Variants in CFAP44 observed in about 807,000 individuals in gnomAD.
CFAP44 encodes cilia- and flagella-associated protein 44.
A neutral mutation model predicts 216.2 loss-of-function variants in CFAP44; 134 were observed. The ratio of observed to expected loss-of-function variants is 0.62; its 90% confidence interval spans 0.54 to 0.72. The LOEUF (loss-of-function observed/expected upper bound fraction) is 0.72, where lower values mean the gene tolerates loss of function less well. Among genes scored for constraint, CFAP44 ranks in the 30% least tolerant of loss-of-function variants. CFAP44 has a pLI of 0.00. For missense variants in CFAP44, 2,035 were observed against 2,182.1 expected (o/e 0.93, Z 1.34); for synonymous variants, 700 against 727.6 (o/e 0.96, Z 0.61).
chr3:113,413,902 T>C (rs1209794811), intron 6 of CFAP44, among the ~76,000 whole-genome samples: 1 of 152,186 alleles, frequency 6.6e-6, no homozygotes, highest in Non-Finnish European at 1.5e-5. Flanking sequence ...TGAAGAATGC[T>C]AATGGTAGTT....
chr3:113,422,224 T>C (rs996791104), intron 4 of CFAP44, among the ~76,000 whole-genome samples: 1 of 152,140 alleles, frequency 6.6e-6, no homozygotes, highest in Non-Finnish European at 1.5e-5. Context: ...AACATCAGAG[T>C]TGAAGGATCA....
intron 18 of CFAP44, among the ~76,000 whole-genome samples, chr3:113,371,311 A>C (rs948805236): frequency 1.3e-5 from 2 of 152,182 alleles, no homozygotes; most frequent in South Asian, 4.1e-4. Flanking sequence ...GAGGCATCAC[A>C]TTACCTGACT....
intron 15 of CFAP44, among the ~76,000 whole-genome samples, chr3:113,389,022 T>C (rs1317304124): frequency 1.3e-5 from 2 of 152,188 alleles, no homozygotes; most frequent in African/African-American, 2.4e-5. Context: ...ATAGACCAAA[T>C]TGACCTAATA....
At chr3:113,400,043 AT>A (rs761113654) in intron 12 of CFAP44, 43 bp from the exon 13 acceptor site, 25 of 1,341,788 alleles carry the variant, frequency 1.9e-5, no homozygotes, top group Non-Finnish European at 2.3e-5. Context: ...TATATACATA[AT>A]TTTTTTAAGT....
intron 21 of CFAP44, among the ~76,000 whole-genome samples, chr3:113,360,050 A>T (rs1385615616): frequency 1.3e-5 from 2 of 152,088 alleles, no homozygotes; most frequent in African/African-American, 2.4e-5. Flanking sequence ...AACCAGATTC[A>T]AACCTATACT....
chr3:113,403,928 C>T lies in CFAP44; in HGVS notation c.1094G>A (p.Cys365Tyr). 6.2e-7 allele frequency: 1 copy of T among 1,614,192 alleles called. No individual in the cohort carries two copies. The highest frequency in any genetic ancestry group is 1.1e-5 in the South Asian group (1 of 91,084). Residue 365 changes from cysteine (C) to tyrosine (Y), a missense_variant, in exon 9 of 35, where the codon TGT (cysteine) becomes TAT (tyrosine). Physicochemically the swap from Cys to Tyr is radical, Grantham distance 194. Coordinates refer to ENST00000393845, the MANE Select transcript of CFAP44 (RefSeq NM_001164496.2). ...VELCRGTSKS[C>Y]HNGPINQIML... ...TATCTGGTTAATGGGACCATTGTGA[C>T]ATGACTTGCTTGTCCCTCGACAGAG...
chr3:113,321,878 A>G (rs1950148744), intron 28 of CFAP44, among the ~76,000 whole-genome samples: 1 of 152,236 alleles, frequency 6.6e-6, no homozygotes, highest in South Asian at 2.1e-4. Context: ...GACAAAAATA[A>G]ATGGAAAAAC....
intron 24 of CFAP44, among the ~76,000 whole-genome samples, chr3:113,336,491 A>G (rs79987091): frequency 0.029 from 4,389 of 152,198 alleles, 110 homozygotes; most frequent in East Asian, 0.1. Flanking sequence ...TCAAAGACAC[A>G]AATTATAAAA....
chr3:113,409,729 G>A (rs1249260683), intron 6 of CFAP44, among the ~76,000 whole-genome samples: 1 of 152,162 alleles, frequency 6.6e-6, no homozygotes, highest in African/African-American at 2.4e-5. Flanking sequence ...AGATCAGATA[G>A]GTGGTTGGCA....
chr3:113,358,836 T>C lies in CFAP44; in HGVS notation c.2974A>G (p.Arg992Gly). 1 of 1,536,886 alleles carries C rather than the reference T, an allele frequency of 6.5e-7. No individual in the cohort carries two copies. The highest frequency in any genetic ancestry group is 8.7e-7 in the Non-Finnish European group (1 of 1,146,580). ...TGTTGAATTTTGAAAGCTGTTTTTCTGTGCATCTCAGCACGGATTTGGGAA... is the reference window on the plus strand; with the variant it reads ...TGTTGAATTTTGAAAGCTGTTTTTCCGTGCATCTCAGCACGGATTTGGGAA... ...VDSQIRAEMH[R>G]KTAFKIQQVE... Residue 992 changes from arginine to glycine, a missense_variant, in exon 22 of 35, where the codon AGA becomes GGA. By Grantham distance (125) the Arg-to-Gly change is moderately radical (BLOSUM62 -2). This residue lies in a region of CFAP44 where 1,883 missense variants were observed against 2,023.7 expected (regional missense o/e 0.93). Transcript: ENST00000393845.
At chr3:113,415,285 C>T (rs1234818482) in intron 6 of CFAP44, among the ~76,000 whole-genome samples, 1 of 151,610 alleles carries the variant, frequency 6.6e-6, no homozygotes, top group Non-Finnish European at 1.5e-5. Context: ...AGTGGTGTAC[C>T]TATGTTGTTA....
In CFAP44 at chr3:113,306,289, T is replaced by C. The variant is rs1311941972; in HGVS notation, c.4670A>G (p.Glu1557Gly). Residue 1557 changes from glutamate to glycine, a missense_variant, in exon 30 of 35, where the codon GAG (glutamate) becomes GGG (glycine). Glu to Gly is a moderately conservative substitution (Grantham distance 98). Around this residue, in one of 3 missense-constraint regions of CFAP44, gnomAD observed 1,883 missense variants for 2,023.7 expected, o/e 0.93. Coordinates refer to ENST00000393845, the MANE Select transcript of CFAP44 (RefSeq NM_001164496.2). The stretch of plus-strand genomic sequence containing the variant: ...AGCCTCCTCAATGTCCAGCCTTTTC[T>C]CTCGAAGGTGAAGGGCCAGCTCAAA... ...ALFELALHLR[E>G]KRLDIEEALV... 1 of 1,536,910 alleles carries C rather than the reference T, an allele frequency of 6.5e-7. No individual in the cohort carries two copies. The highest frequency in any genetic ancestry group is 8.7e-7 in the Non-Finnish European group (1 of 1,146,768).
chr3:113,334,662 A>G (rs1950267181), intron 24 of CFAP44, among the ~76,000 whole-genome samples: 1 of 152,128 alleles, frequency 6.6e-6, no homozygotes, highest in Non-Finnish European at 1.5e-5. Flanking sequence ...TAATTAAAGG[A>G]TTGAAAAAAA....
intron 22 of CFAP44, among the ~76,000 whole-genome samples, chr3:113,350,800 A>G (rs944403023): frequency 6.6e-6 from 1 of 152,238 alleles, no homozygotes; most frequent in South Asian, 2.1e-4. Context: ...TCCTAAGTCA[A>G]AAAAAGAGGA....
intron 9 of CFAP44, among the ~76,000 whole-genome samples, chr3:113,401,987 C>T (rs1344646579): frequency 6.6e-6 from 1 of 152,096 alleles, no homozygotes; most frequent in African/African-American, 2.4e-5. Flanking sequence ...TACAGCCTTG[C>T]ATAAGAATTC....
At chr3:113,401,801 G>C in intron 9 of CFAP44, 62 bp from the exon 10 acceptor site, 2 of 1,494,810 alleles carry the variant, frequency 1.3e-6, no homozygotes, top group Non-Finnish European at 9.0e-7. Flanking sequence ...TATTTTCTAA[G>C]CCAGAAAAAC....
intron 19 of CFAP44, 53 bp downstream of exon 19, chr3:113,365,986 C>G: frequency 6.6e-7 from 1 of 1,519,658 alleles, no homozygotes; most frequent in Non-Finnish European, 8.9e-7. Flanking sequence ...ATTTTAATAT[C>G]ACTATTTTTA....
chr3:113,405,118 T>C (rs186126256), intron 8 of CFAP44, among the ~76,000 whole-genome samples: 1 of 152,204 alleles, frequency 6.6e-6, no homozygotes, highest in East Asian at 1.9e-4. Flanking sequence ...TTTACCTGCA[T>C]GCTCTAGAGG....
At chr3:113,316,441 C>T (rs143935892) in intron 28 of CFAP44, among the ~76,000 whole-genome samples, 2 of 151,980 alleles carry the variant, frequency 1.3e-5, no homozygotes, top group Non-Finnish European at 2.9e-5. Context: ...AAGATAAGAG[C>T]AGAAATCAAT....
Sources: allele counts gnomAD v4.1 joint callset (sites outside exome capture counted in the v4.1 genomes callset), GRCh38; gene constraint gnomAD v4.1.1; regional missense constraint gnomAD v4.1.1; transcripts MANE v1.5; gene names NCBI Gene and HGNC (gene_info 2026-07-23, HGNC 2026-07-21).